Variants in TXNL4B observed in about 807,000 individuals in gnomAD.
TXNL4B encodes thioredoxin like 4B.
TXNL4B carries 12 observed loss-of-function variants against 13.0 expected under a neutral mutation model. That is an observed-to-expected ratio of 0.92 (90% CI 0.59 to 1.49). TXNL4B has a LOEUF of 1.49. TXNL4B is among the 40% of genes most tolerant of loss of function. The probability of loss-of-function intolerance (pLI) is 0.00; values close to 1 mark genes in which losing one functional copy is unlikely to be tolerated. For missense variants in TXNL4B, 214 were observed against 173.6 expected, an observed-to-expected ratio of 1.23 and a Z score of -1.31; for synonymous variants, 59 against 58.9, an observed-to-expected ratio of 1.00 and a Z score of -0.01.
intron 3 of TXNL4B, among the ~76,000 whole-genome samples, chr16:72,088,693 G>A (rs781398939): frequency 1.3e-5 from 2 of 152,154 alleles, no homozygotes; most frequent in African/African-American, 2.4e-5. Flanking sequence ...TAGACTTATG[G>A]ATGGTAGTGC....
rs1037919545 is a variant in TXNL4B, at chr16:72,085,182, G to A, written c.*1455C>T. 1.0e-5 allele frequency: 4 copies of A among 395,600 alleles called. No individual in the cohort carries two copies. The highest frequency in any genetic ancestry group is 2.1e-5 in the African/African-American group (1 of 48,566). The allele number at this position is 395,600 out of a possible 1,614,324, so 24.5% of individuals were successfully genotyped here. On this transcript the variant is annotated 3_prime_UTR_variant, in exon 4 of 4. Transcript: ENST00000268483. Reference sequence around the variant, plus strand: ...TGGCAGCCTTCCCTCTCTCCTGTATGAGCCAAAAGCAAGACTCATGGCACC... The same window carrying A: ...TGGCAGCCTTCCCTCTCTCCTGTATAAGCCAAAAGCAAGACTCATGGCACC...
chr16:72,087,609 T>C (rs2041842268), intron 3 of TXNL4B, among the ~76,000 whole-genome samples: 1 of 152,030 alleles, frequency 6.6e-6, no homozygotes. Flanking sequence ...AATACTTACA[T>C]CAAATGTGTT....
Position 72,086,604 on chromosome 16 carries a change from C to G in TXNL4B, c.*33G>C, listed in dbSNP as rs1291328045. The G allele has an allele frequency of 5.0e-6, 8 of 1,585,496 alleles. No individual in the cohort carries two copies. Among genetic ancestry groups the G allele is most frequent in the Non-Finnish European group, 6.9e-6 (8 of 1,156,214 alleles). ...GATTCAGGTACTGTGTCAAGATGTGCCTTCTTCTTCATCTTTGACAGCAAT... is the reference window on the plus strand; with the variant it reads ...GATTCAGGTACTGTGTCAAGATGTGGCTTCTTCTTCATCTTTGACAGCAAT... On this transcript the variant is annotated 3_prime_UTR_variant, in exon 4 of 4. Transcript: ENST00000268483.
chr16:72,091,071 T>TTC (rs1240919695), intron 1 of TXNL4B, among the ~76,000 whole-genome samples: 2 of 152,156 alleles, frequency 1.3e-5, no homozygotes, highest in Non-Finnish European at 2.9e-5. Flanking sequence ...GATATTTTTT[T>TTC]TCTCTCTCTC....
At position 72,088,989 on chromosome 16, in the gene TXNL4B, A is replaced by G; in HGVS notation, c.282T>C (p.Tyr94=). ...AACTTCAGATCAACTGCACTTACCCATAATCCACTTTCATATGCTGCCCAT... is the reference window on the plus strand; with the variant it reads ...AACTTCAGATCAACTGCACTTACCCGTAATCCACTTTCATATGCTGCCCAT... ...FFNGQHMKVD[Y]GSPDHTKFVG... is the part of the protein sequence containing the mutation. The change falls in exon 3 of 4, where the codon TAT becomes TAC. Residue 94 remains tyrosine (Y), a splice_region_variant and synonymous_variant. Coordinates refer to ENST00000268483, the MANE Select transcript of TXNL4B (RefSeq NM_017853.3). 1.2e-6 allele frequency: 2 copies of G among 1,601,194 alleles called. No individual in the cohort carries two copies. Among genetic ancestry groups the G allele is most frequent in the Non-Finnish European group, 1.7e-6 (2 of 1,170,254 alleles).
chr16:72,090,947 T>TAA (rs2041895741), intron 1 of TXNL4B, among the ~76,000 whole-genome samples, 161 bp from the exon 2 acceptor site: 1 of 152,228 alleles, frequency 6.6e-6, no homozygotes, highest in Non-Finnish European at 1.5e-5. Flanking sequence ...CCCTGCTCCT[T>TAA]GGAACCAGTT....
Position 72,089,142 on chromosome 16 carries a change from C to A in TXNL4B, c.133-4G>T. ...AGTCAGAAGAGGTCTTAGAAAGCTG[C>A]AAATGACGAGAGAGACAAAGGTTAC... is the stretch of plus-strand genomic sequence containing the variant. On this transcript the variant is annotated splice_polypyrimidine_tract_variant and splice_region_variant and intron_variant, in intron 2 of 3. Transcript: ENST00000268483. 1 of 1,604,136 alleles carries A rather than the reference C, an allele frequency of 6.2e-7. No homozygotes were observed. The highest frequency in any genetic ancestry group is 8.5e-7 in the Non-Finnish European group (1 of 1,173,944).
In TXNL4B at chr16:72,090,726, C is replaced by T; in HGVS notation, c.24G>A (p.Leu8=). MSFLLPK[L]TSKKEVDQAI... is the part of the protein sequence containing the mutation. Reference sequence around the variant, plus strand: ...CCTGGTCTACTTCCTTTTTGCTAGTCAGCTTGGGCAGTAGGAAGCTCATCT... The same window carrying T: ...CCTGGTCTACTTCCTTTTTGCTAGTTAGCTTGGGCAGTAGGAAGCTCATCT... The change falls in exon 2 of 4, where the codon CTG becomes CTA. Residue 8 remains leucine (L), a synonymous_variant. Transcript: ENST00000268483. 1 of 1,614,148 alleles carries T rather than the reference C, an allele frequency of 6.2e-7. No individual in the cohort carries two copies. Among genetic ancestry groups the T allele is most frequent in the Non-Finnish European group, 8.5e-7 (1 of 1,180,026 alleles).
chr16:72,093,050 G>A (rs752293351), intron 1 of TXNL4B, among the ~76,000 whole-genome samples: 6 of 152,002 alleles, frequency 3.9e-5, no homozygotes, highest in Non-Finnish European at 8.8e-5. Context: ...TGCCCAGGCT[G>A]GTCTCAACTC....
intron 2 of TXNL4B, chr16:72,090,324 G>A (rs1196839445): frequency 8.4e-6 from 4 of 473,680 alleles, no homozygotes; most frequent in Non-Finnish European, 1.6e-5. Context: ...CCACTATTGC[G>A]AGCACTGAAA....
chr16:72,090,925 C>G (rs867878955), intron 1 of TXNL4B, 139 bp from the exon 2 acceptor site: 23 of 702,516 alleles, frequency 3.3e-5, no homozygotes, highest in Middle Eastern at 7.4e-4. Flanking sequence ...TGTGGAGTTT[C>G]CCTCTCTTTG....
intron 1 of TXNL4B, among the ~76,000 whole-genome samples, chr16:72,092,792 A>T (rs1567599577): frequency 6.6e-6 from 1 of 152,234 alleles, no homozygotes; most frequent in Non-Finnish European, 1.5e-5. Flanking sequence ...AGACGTACAA[A>T]TGGACAGTAA....
intron 3 of TXNL4B, among the ~76,000 whole-genome samples, chr16:72,088,412 G>C (rs888111678): frequency 6.6e-6 from 1 of 152,250 alleles, no homozygotes; most frequent in African/African-American, 2.4e-5. Flanking sequence ...TATTGAGATG[G>C]TAATTGGATG....
upstream of TXNL4B, chr16:72,093,740 C>G (rs527987272): frequency 6.6e-6 from 1 of 152,430 alleles, no homozygotes; most frequent in East Asian, 1.9e-4. Flanking sequence ...AGACTAGAGG[C>G]GGGATGTAGT....
chr16:72,087,839 T>C (rs1468497013), intron 3 of TXNL4B, among the ~76,000 whole-genome samples: 1 of 151,972 alleles, frequency 6.6e-6, no homozygotes, highest in Non-Finnish European at 1.5e-5. Context: ...TAATCTTTTT[T>C]TTGAGACGGC....
In TXNL4B at chr16:72,085,229, G is replaced by C; in HGVS notation, c.*1408C>G. On this transcript the variant is annotated 3_prime_UTR_variant, in exon 4 of 4. Transcript: ENST00000268483. ...CACCCCTCCCTGCAGGAAAGGGGTG[G>C]AATGGAGCCCCTGGCAAAGGGGGCT... 3 of 384,760 alleles carry C rather than the reference G, an allele frequency of 7.8e-6. No individual in the cohort carries two copies. The highest frequency in any genetic ancestry group is 4.6e-6 in the Non-Finnish European group (1 of 218,132). 23.8% of individuals were successfully genotyped at this position (384,760 alleles called of 1,614,324 possible). A position where few individuals can be genotyped will look rare whatever the true frequency, so the allele number is the denominator to read the frequency against.
At chr16:72,093,848 C>T (rs1254131061), upstream of TXNL4B, 3 of 152,398 alleles carry the variant, frequency 2.0e-5, no homozygotes, top group Non-Finnish European at 4.4e-5. Flanking sequence ...CCGTTCCACA[C>T]TTGGATCCAG....
chr16:72,092,915 C>G (rs1443532333), intron 1 of TXNL4B, among the ~76,000 whole-genome samples: 1 of 152,212 alleles, frequency 6.6e-6, no homozygotes, highest in Non-Finnish European at 1.5e-5. Flanking sequence ...GGGGCAGGCA[C>G]AGGGAGTTCC....
intron 3 of TXNL4B, 74 bp downstream of exon 3, chr16:72,088,913 A>G (rs982887947): frequency 1.5e-5 from 18 of 1,207,274 alleles, no homozygotes; most frequent in Admixed American, 3.9e-5. Context: ...TCACATGGAA[A>G]TAGGCAAGCT....
Sources: gnomAD v4.1 joint callset for allele counts (sites outside exome capture counted in the v4.1 genomes callset) on GRCh38, gnomAD v4.1.1 for gene constraint, MANE v1.5 for transcripts, NCBI Gene and HGNC (gene_info 2026-07-23, HGNC 2026-07-21) for gene names.